TXNRD1: variants seen among roughly 807,000 people sequenced by gnomAD.
TXNRD1 encodes the protein thioredoxin reductase 1, cytoplasmic.
A neutral mutation model predicts 80.3 loss-of-function variants in TXNRD1; 57 were observed. The observed-to-expected ratio is 0.71, with a 90% confidence interval of 0.57 to 0.89. The LOEUF is 0.89. Among genes scored for constraint, TXNRD1 ranks in the 40% least tolerant of loss-of-function variants. The pLI, the probability that TXNRD1 is intolerant of heterozygous loss-of-function variation, is 0.00. For synonymous variants in TXNRD1, 291 were observed against 285.2 expected, an observed-to-expected ratio of 1.02 and a Z score of -0.20; for missense variants, 730 against 803.0, an observed-to-expected ratio of 0.91 and a Z score of 1.10.
intron 1 of TXNRD1, among the ~76,000 whole-genome samples, chr12:104,223,589 T>G (rs2032401834): frequency 1.3e-5 from 2 of 152,212 alleles, no homozygotes; most frequent in Non-Finnish European, 2.9e-5. Flanking sequence ...ACCATTCCTT[T>G]CACGGGATTC....
chr12:104,237,803 A>G (rs1565856965), intron 1 of TXNRD1, among the ~76,000 whole-genome samples: 1 of 152,122 alleles, frequency 6.6e-6, no homozygotes, highest in East Asian at 1.9e-4. Flanking sequence ...TCATGAGATC[A>G]GAAGTTCGAG....
At chr12:104,301,112 T>G (rs1468815547) in intron 4 of TXNRD1, among the ~76,000 whole-genome samples, 1 of 151,458 alleles carries the variant, frequency 6.6e-6, no homozygotes, top group African/African-American at 2.4e-5. Flanking sequence ...GAGCAAGTTG[T>G]GTGGGCTGTT....
In TXNRD1 at chr12:104,303,713, C is replaced by T. The variant is rs1593791435; in HGVS notation, c.415-7577C>T. On this transcript the variant is annotated intron_variant, in intron 4 of 16. Coordinates refer to ENST00000525566, the MANE Select transcript of TXNRD1 (RefSeq NM_001093771.3). Reference sequence around the variant, plus strand: ...CCCGCGGAGCGTGCTGGGGGCGGGTCGCGCCGGGCCGGGCCGCTAGTGCGC... The same window carrying T: ...CCCGCGGAGCGTGCTGGGGGCGGGTTGCGCCGGGCCGGGCCGCTAGTGCGC... The T allele has an allele frequency of 3.1e-5, 22 of 702,348 alleles. No individual in the cohort carries two copies. In the East Asian group the frequency reaches 6.2e-4, roughly 20 times the overall value. 43.5% of individuals were successfully genotyped at this position (702,348 alleles called of 1,614,324 possible). A position where few individuals can be genotyped will look rare whatever the true frequency, so the allele number is the denominator to read the frequency against.
chr12:104,225,201 A>G (rs2032444961), intron 1 of TXNRD1, among the ~76,000 whole-genome samples: 1 of 152,216 alleles, frequency 6.6e-6, no homozygotes, highest in African/African-American at 2.4e-5. Context: ...CATTTATTGA[A>G]TGCTTATTAT....
At chr12:104,313,161 A>C in intron 5 of TXNRD1, 84 bp from the exon 6 acceptor site, 1 of 1,125,592 alleles carries the variant, frequency 8.9e-7, no homozygotes, top group Non-Finnish European at 1.3e-6. Flanking sequence ...CTATAGCTTA[A>C]AAAAAAATCA....
chr12:104,284,989 C>T (rs574436525), intron 3 of TXNRD1, among the ~76,000 whole-genome samples: 3 of 152,198 alleles, frequency 2.0e-5, no homozygotes, highest in Non-Finnish European at 2.9e-5. Flanking sequence ...TCCTGGCCAA[C>T]GTGTTGAAAC....
intron 3 of TXNRD1, among the ~76,000 whole-genome samples, chr12:104,274,568 G>T (rs1359353934): frequency 6.6e-6 from 1 of 151,724 alleles, no homozygotes; most frequent in Non-Finnish European, 1.5e-5. Context: ...GCGTGGCAGC[G>T]TGCACCTGTA....
At chr12:104,308,690 C>T (rs1255264783) in intron 4 of TXNRD1, among the ~76,000 whole-genome samples, 4 of 151,972 alleles carry the variant, frequency 2.6e-5, no homozygotes, top group Non-Finnish European at 5.9e-5. Flanking sequence ...CCACAGTCAG[C>T]GGACATAATT....
chr12:104,349,654 C>G lies in TXNRD1; in HGVS notation c.*1233C>G, dbSNP rs1368819045. 6.6e-6 allele frequency: 1 copy of G among 152,490 alleles called. No homozygotes were observed. Among genetic ancestry groups the G allele is most frequent in the East Asian group, 1.9e-4 (1 of 5,196 alleles). 9.4% of individuals were successfully genotyped at this position (152,490 alleles called of 1,614,324 possible). On this transcript the variant is annotated 3_prime_UTR_variant, in exon 17 of 17. Coordinates refer to ENST00000525566, the MANE Select transcript of TXNRD1 (RefSeq NM_001093771.3). ...ATTAATGCCTCAGTTATGTGTTTGT[C>G]AATGTACTGGCTGAGGATTCTATCT... is the stretch of plus-strand genomic sequence containing the variant.
chr12:104,249,736 C>T lies in TXNRD1; in HGVS notation c.92-1791C>T, dbSNP rs571208074. 2.6e-5 allele frequency among the ~76,000 whole-genome samples: 4 copies of T among 152,040 alleles called. 1 individual carries two copies. The South Asian group carries it at 6.2e-4, about 24-fold the overall frequency. ...AGATCACGAGGTCAGGAGATCAAGA[C>T]CATCCTGGCTAACATGGTGAAACCC... On this transcript the variant is annotated intron_variant, in intron 1 of 16. Coordinates refer to ENST00000525566, the MANE Select transcript of TXNRD1 (RefSeq NM_001093771.3).
At chr12:104,287,101 C>T (rs536721926) in intron 3 of TXNRD1, 3 of 1,452,662 alleles carry the variant, frequency 2.1e-6, no homozygotes, top group Non-Finnish European at 2.7e-6. Flanking sequence ...TCATCATTCT[C>T]AAATTCTTGT....
chr12:104,275,671 C>T (rs2033743170), intron 3 of TXNRD1, among the ~76,000 whole-genome samples: 1 of 152,220 alleles, frequency 6.6e-6, no homozygotes, highest in African/African-American at 2.4e-5. Context: ...GCATGAGCCA[C>T]TGCACCCAGC....
At chr12:104,321,041 A>G (rs1248627531) in intron 9 of TXNRD1, 50 bp from the exon 10 acceptor site, 2 of 1,277,596 alleles carry the variant, frequency 1.6e-6, no homozygotes, top group South Asian at 1.3e-5. Flanking sequence ...AATTATTTAT[A>G]TAGGAACTTT....
intron 3 of TXNRD1, among the ~76,000 whole-genome samples, chr12:104,269,709 A>T (rs535910316): frequency 1.7e-4 from 26 of 152,034 alleles, no homozygotes; most frequent in African/African-American, 6.3e-4. Flanking sequence ...CTGGGACTAC[A>T]GGCACGCGAC....
At chr12:104,265,965 AAAAG>A (rs1471745174) in intron 3 of TXNRD1, 3 of 618,550 alleles carry the variant, frequency 4.9e-6, no homozygotes, top group Non-Finnish European at 8.2e-6. Context: ...TAAAAAAAAA[AAAAG>A]AAAAGAAATA....
At chr12:104,268,379 G>T (rs1016476443) in intron 3 of TXNRD1, among the ~76,000 whole-genome samples, 13 of 150,962 alleles carry the variant, frequency 8.6e-5, no homozygotes, top group African/African-American at 3.2e-4. Flanking sequence ...ACCCATATTA[G>T]CCGGGCATGG....
chr12:104,300,844 C>G (rs2034598007), intron 4 of TXNRD1, among the ~76,000 whole-genome samples: 1 of 152,120 alleles, frequency 6.6e-6, no homozygotes, highest in Non-Finnish European at 1.5e-5. Flanking sequence ...CGTGGTTTCT[C>G]CATATTGATC....
chr12:104,220,745 G>A (rs1209028898), intron 1 of TXNRD1, among the ~76,000 whole-genome samples: 1 of 149,568 alleles, frequency 6.7e-6, no homozygotes, highest in African/African-American at 2.5e-5. Flanking sequence ...AAAAACGGTG[G>A]GGGGGAGGCG....
chr12:104,309,392 A>G (rs1272733248), intron 4 of TXNRD1, among the ~76,000 whole-genome samples: 1 of 152,224 alleles, frequency 6.6e-6, no homozygotes, highest in African/African-American at 2.4e-5. Flanking sequence ...GAATTTCAGT[A>G]AGGAACGGAT....
Sources: allele counts gnomAD v4.1 joint callset (sites outside exome capture counted in the v4.1 genomes callset), GRCh38; gene constraint gnomAD v4.1.1; transcripts MANE v1.5; gene names NCBI Gene and HGNC (gene_info 2026-07-23, HGNC 2026-07-21).